Variants in CCDC91 observed in about 807,000 individuals in gnomAD.
The protein encoded by CCDC91 is coiled-coil domain containing 91, also known as coiled-coil domain-containing protein 91.
Under a neutral mutation model 63.2 loss-of-function variants are expected in CCDC91, and 48 were observed. That is an observed-to-expected ratio of 0.76 (90% confidence interval 0.60 to 0.97). The LOEUF is 0.97. Ranked by LOEUF, CCDC91 falls within the 50% of genes least tolerant of loss-of-function variation. CCDC91 has a pLI of 0.00. For synonymous variants in CCDC91, 167 were observed against 165.8 expected (o/e 1.01, Z -0.06); for missense variants, 500 against 494.6 (o/e 1.01, Z -0.10).
chr12:28,359,498 AAAT>A (rs1943736569), intron 6 of CCDC91, among the ~76,000 whole-genome samples: 1 of 152,212 alleles, frequency 6.6e-6, no homozygotes, highest in Admixed American at 6.5e-5. Context: ...GAAAGAAAGA[AAAT>A]AATATTTAAT....
intron 12 of CCDC91, among the ~76,000 whole-genome samples, chr12:28,487,383 T>G (rs1435031138): frequency 6.6e-6 from 1 of 151,858 alleles, no homozygotes; most frequent in Non-Finnish European, 1.5e-5. Context: ...ATTCTTATTT[T>G]CCAAAAATGT....
chr12:28,195,408 C>A (rs148007639), intron 1 of CCDC91, among the ~76,000 whole-genome samples: 24 of 152,280 alleles, frequency 1.6e-4, no homozygotes, highest in African/African-American at 5.8e-4. Context: ...AAGTCCCCAC[C>A]TGACCCGGAA....
intron 6 of CCDC91, among the ~76,000 whole-genome samples, chr12:28,352,698 G>A (rs566225750): frequency 7.2e-5 from 11 of 152,290 alleles, no homozygotes; most frequent in Admixed American, 6.5e-4. Flanking sequence ...ATTTTTAGCA[G>A]TAGTTCTCAA....
chr12:28,535,123 A>G (rs1040218342), intron 12 of CCDC91, among the ~76,000 whole-genome samples: 1 of 152,236 alleles, frequency 6.6e-6, no homozygotes, highest in Non-Finnish European at 1.5e-5. Context: ...GCTGTTTGGC[A>G]TGCATACATT....
chr12:28,398,667 G>A (rs1469404202), intron 8 of CCDC91, among the ~76,000 whole-genome samples: 1 of 152,076 alleles, frequency 6.6e-6, no homozygotes, highest in Non-Finnish European at 1.5e-5. Flanking sequence ...TGCTCTCTCA[G>A]CACTTGGTAT....
chr12:28,426,675 C>T (rs1948335101), intron 8 of CCDC91, among the ~76,000 whole-genome samples: 1 of 152,088 alleles, frequency 6.6e-6, no homozygotes, highest in Non-Finnish European at 1.5e-5. Context: ...TTTCTTTGAG[C>T]TTCTGCCTAT....
intron 6 of CCDC91, among the ~76,000 whole-genome samples, chr12:28,315,327 G>A (rs112707167): frequency 9.9e-5 from 15 of 151,652 alleles, no homozygotes; most frequent in African/African-American, 2.9e-4. Flanking sequence ...CACCACACCC[G>A]GCTAATTTTT....
intron 12 of CCDC91, among the ~76,000 whole-genome samples, chr12:28,502,192 C>T (rs1937995872): frequency 6.6e-6 from 1 of 151,920 alleles, no homozygotes; most frequent in Admixed American, 6.6e-5. Context: ...CCCATTGTCT[C>T]AGCCCAAAGT....
At chr12:28,291,939 C>T (rs1949276666) in intron 3 of CCDC91, among the ~76,000 whole-genome samples, 1 of 152,186 alleles carries the variant, frequency 6.6e-6, no homozygotes, top group South Asian at 2.1e-4. Flanking sequence ...TCTTCATCTT[C>T]AAGGCTCTTG....
chr12:28,479,981 T>G (rs1485744030), intron 11 of CCDC91, among the ~76,000 whole-genome samples: 4 of 152,022 alleles, frequency 2.6e-5, no homozygotes. Flanking sequence ...ATCTCCATGC[T>G]ATTATTGGTA....
At chr12:28,324,198 G>C (rs1940775948) in intron 6 of CCDC91, among the ~76,000 whole-genome samples, 2 of 151,764 alleles carry the variant, frequency 1.3e-5, no homozygotes, top group African/African-American at 4.8e-5. Context: ...ATGTAACTTG[G>C]GGGTGAGAAA....
intron 3 of CCDC91, among the ~76,000 whole-genome samples, chr12:28,271,842 T>C (rs1186335242): frequency 6.7e-6 from 1 of 150,226 alleles, no homozygotes; most frequent in Non-Finnish European, 1.5e-5. Flanking sequence ...TAAATGTGTA[T>C]ATATATAAGT....
At chr12:28,417,871 G>A (rs1441924848) in intron 8 of CCDC91, among the ~76,000 whole-genome samples, 1 of 151,938 alleles carries the variant, frequency 6.6e-6, no homozygotes, top group Admixed American at 6.6e-5. Flanking sequence ...CATTTCCAGT[G>A]CACCTATGTT....
intron 6 of CCDC91, among the ~76,000 whole-genome samples, chr12:28,359,667 T>G (rs1187025885): frequency 6.6e-6 from 1 of 152,152 alleles, no homozygotes; most frequent in African/African-American, 2.4e-5. Context: ...TGTAAAGCAG[T>G]CTCTGGGTAA....
At chr12:28,479,534 A>G (rs1419804864) in intron 11 of CCDC91, among the ~76,000 whole-genome samples, 1 of 152,182 alleles carries the variant, frequency 6.6e-6, no homozygotes, top group Non-Finnish European at 1.5e-5. Flanking sequence ...TAATGGGTGC[A>G]GCACACCAAC....
At chr12:28,194,819 T>A (rs1941606800) in intron 1 of CCDC91, among the ~76,000 whole-genome samples, 1 of 151,896 alleles carries the variant, frequency 6.6e-6, no homozygotes, top group Non-Finnish European at 1.5e-5. Context: ...GTGTTGCAGC[T>A]CATTGTTATA....
In CCDC91 at chr12:28,331,449, G is replaced by A. The variant is rs113001356; in HGVS notation, c.576+23700G>A. Among the ~76,000 whole-genome samples, 15 of 152,292 alleles carry A rather than the reference G, an allele frequency of 9.8e-5. No homozygotes were observed. In the South Asian group the frequency reaches 2.1e-3, roughly 21 times the overall value. On this transcript the variant is annotated intron_variant, in intron 6 of 12. Coordinates refer to ENST00000536442, the MANE Select transcript of CCDC91 (RefSeq NM_018318.5). ...ATTCTATGAAAATGGTGATGATGGGGTAGTTTTGCCTTAAGCCCTTTTGAA... is the reference window on the plus strand; with the variant it reads ...ATTCTATGAAAATGGTGATGATGGGATAGTTTTGCCTTAAGCCCTTTTGAA...
intron 12 of CCDC91, among the ~76,000 whole-genome samples, chr12:28,498,526 G>A (rs541248772): frequency 6.6e-6 from 1 of 151,752 alleles, no homozygotes; most frequent in South Asian, 2.1e-4. Flanking sequence ...GCCAAAGCAT[G>A]TCACACAGTC....
At chr12:28,312,747 A>T (rs554481537) in intron 6 of CCDC91, among the ~76,000 whole-genome samples, 1 of 151,820 alleles carries the variant, frequency 6.6e-6, no homozygotes, top group Admixed American at 6.6e-5. Context: ...AATCATGGGG[A>T]TGTGTCTTTC....
Sources: gnomAD v4.1 joint callset for allele counts (sites outside exome capture counted in the v4.1 genomes callset) on GRCh38, gnomAD v4.1.1 for gene constraint, MANE v1.5 for transcripts, NCBI Gene and HGNC (gene_info 2026-07-23, HGNC 2026-07-21) for gene names.